Variants in CHD9 observed in about 807,000 individuals in gnomAD.
The protein encoded by CHD9 is chromodomain helicase DNA binding protein 9, also known as ATP-dependent chromatin remodeler CHD9.
A neutral mutation model predicts 316.1 loss-of-function variants in CHD9; 77 were observed. The observed-to-expected ratio is 0.24, with a 90% CI of 0.20 to 0.29. CHD9 has a LOEUF of 0.29. Among genes scored for constraint, CHD9 ranks in the 10% least tolerant of loss-of-function variants. The probability of loss-of-function intolerance (pLI) is 1.00; values close to 1 mark genes in which losing one functional copy is unlikely to be tolerated. For synonymous variants in CHD9, 1,129 were observed against 1,158.3 expected (o/e 0.97, Z 0.51); for missense variants, 2,763 against 3,438.1 (o/e 0.80, Z 4.91).
chr16:53,227,049 A>G (rs1172342213), intron 5 of CHD9: 3 of 227,720 alleles, frequency 1.3e-5, no homozygotes. Context: ...CTAGCTGAGT[A>G]CCTTGGGCAA....
chr16:53,315,671 GT>G (rs2056826727), intron 36 of CHD9, among the ~76,000 whole-genome samples: 1 of 152,182 alleles, frequency 6.6e-6, no homozygotes, highest in South Asian at 2.1e-4. Flanking sequence ...TAGAAACAGG[GT>G]TTCACCATGT....
chr16:53,068,758 C>T (rs947791971), intron 1 of CHD9, among the ~76,000 whole-genome samples: 2 of 152,162 alleles, frequency 1.3e-5, no homozygotes, highest in African/African-American at 4.8e-5. Context: ...TGCAAGCTTG[C>T]GGTCTTGTTT....
intron 35 of CHD9, 79 bp from the exon 36 acceptor site, chr16:53,314,744 C>A: frequency 8.1e-7 from 1 of 1,236,850 alleles, no homozygotes; most frequent in Non-Finnish European, 1.1e-6. Flanking sequence ...TTTTTCTCTT[C>A]AAAAATAATT....
intron 1 of CHD9, among the ~76,000 whole-genome samples, chr16:53,097,733 C>A (rs1248545462): frequency 6.6e-6 from 1 of 152,126 alleles, no homozygotes; most frequent in Non-Finnish European, 1.5e-5. Context: ...TGCATGCTTG[C>A]AGGAATGGAT....
At chr16:53,306,541 T>C in intron 32 of CHD9, 144 bp downstream of exon 32, 1 of 551,286 alleles carries the variant, frequency 1.8e-6, no homozygotes, top group Non-Finnish European at 3.0e-6. Context: ...AAAGTATAAA[T>C]TACTGCTATC....
At chr16:53,126,505 TC>T (rs2038973893) in intron 1 of CHD9, among the ~76,000 whole-genome samples, 1 of 152,056 alleles carries the variant, frequency 6.6e-6, no homozygotes, top group Admixed American at 6.6e-5. Context: ...CCAACTTTCC[TC>T]TTTTGACTAT....
intron 1 of CHD9, among the ~76,000 whole-genome samples, chr16:53,120,187 G>A (rs1286952881): frequency 6.6e-6 from 1 of 152,092 alleles, no homozygotes; most frequent in African/African-American, 2.4e-5. Flanking sequence ...AACTATGATT[G>A]CACCACTGCT....
Position 53,067,441 on chromosome 16 carries a change from T to G in CHD9, c.-165+12364T>G, listed in dbSNP as rs1017250856. On this transcript the variant is annotated intron_variant, in intron 1 of 38. Coordinates refer to ENST00000447540, the MANE Select transcript of CHD9 (RefSeq NM_001308319.2). The stretch of plus-strand genomic sequence containing the variant: ...TCCCATCCAGAATACCAAATTACAT[T>G]TATATCTTTTTTTTTATACCAACAA... 2.0e-5 allele frequency among the ~76,000 whole-genome samples: 3 copies of G among 152,288 alleles called. 1 individual carries two copies. Among genetic ancestry groups the G allele is most frequent in the East Asian group, 1.9e-4 (1 of 5,186 alleles).
chr16:53,203,927 G>A (rs2045657643), intron 2 of CHD9, among the ~76,000 whole-genome samples: 1 of 150,168 alleles, frequency 6.7e-6, no homozygotes, highest in South Asian at 2.1e-4. Flanking sequence ...GTGAGCCTGA[G>A]GCAGGAGAAT....
At chr16:53,247,248 C>CCTGCACATTG (rs556634998) in intron 15 of CHD9, 45 bp from the exon 16 acceptor site, 1,111 of 1,361,776 alleles carry the variant, frequency 8.2e-4, no homozygotes, top group Non-Finnish European at 1.1e-3. Flanking sequence ...TTGGGAATTT[C>CCTGCACATTG]CTGCATTTGC....
chr16:53,161,828 T>C (rs889435539), intron 2 of CHD9, among the ~76,000 whole-genome samples: 1 of 151,996 alleles, frequency 6.6e-6, no homozygotes, highest in Non-Finnish European at 1.5e-5. Flanking sequence ...CTCAGCTTAC[T>C]GCAACCTCTG....
intron 2 of CHD9, among the ~76,000 whole-genome samples, chr16:53,200,657 A>G (rs938031369): frequency 6.6e-6 from 1 of 152,248 alleles, no homozygotes; most frequent in Non-Finnish European, 1.5e-5. Flanking sequence ...GTTATGGGCA[A>G]GAATCAATGA....
At chr16:53,130,795 G>C (rs1231633047) in intron 1 of CHD9, 3 of 151,850 alleles carry the variant, frequency 2.0e-5, no homozygotes, top group Admixed American at 6.6e-5. Context: ...TAGGCAGCCC[G>C]ACGCGGCTGG....
At chr16:53,321,671 AT>A in intron 38 of CHD9, 41 bp downstream of exon 38, 1 of 1,003,748 alleles carries the variant, frequency 1.0e-6, no homozygotes, top group Non-Finnish European at 1.4e-6. Flanking sequence ...TTATTTTCAA[AT>A]TAGGTGCCAT....
At chr16:53,062,988 C>G (rs2033083486) in intron 1 of CHD9, among the ~76,000 whole-genome samples, 1 of 152,034 alleles carries the variant, frequency 6.6e-6, no homozygotes, top group African/African-American at 2.4e-5. Flanking sequence ...CCATTGCACT[C>G]TAGCCTGGGC....
At chr16:53,254,657 T>C in intron 18 of CHD9, 52 bp downstream of exon 18, 1 of 1,510,572 alleles carries the variant, frequency 6.6e-7, no homozygotes, top group Non-Finnish European at 9.0e-7. Context: ...TTGCATTTGA[T>C]TTTACCTCCA....
At chr16:53,276,536 A>T (rs192756697) in intron 24 of CHD9, among the ~76,000 whole-genome samples, 261 of 152,276 alleles carry the variant, frequency 1.7e-3, no homozygotes, top group Middle Eastern at 6.8e-3. Flanking sequence ...GATAAGAGCT[A>T]CCTTCAGTTT....
At chr16:53,244,774 G>A (rs1395487432) in intron 13 of CHD9, among the ~76,000 whole-genome samples, 1 of 152,078 alleles carries the variant, frequency 6.6e-6, no homozygotes, top group Non-Finnish European at 1.5e-5. Context: ...TTTAAAAAGC[G>A]ATTGGGAAAG....
intron 17 of CHD9, among the ~76,000 whole-genome samples, chr16:53,250,989 T>C (rs1293062251): frequency 6.6e-6 from 1 of 152,184 alleles, no homozygotes; most frequent in Non-Finnish European, 1.5e-5. Context: ...ATACCTAGCT[T>C]AAAACATATT....
Sources: gnomAD v4.1 joint callset for allele counts (sites outside exome capture counted in the v4.1 genomes callset) on GRCh38, gnomAD v4.1.1 for gene constraint, MANE v1.5 for transcripts, NCBI Gene and HGNC (gene_info 2026-07-23, HGNC 2026-07-21) for gene names.